The following LRRC53 variants were observed in gnomAD, a reference collection of about 807,000 sequenced individuals.
LRRC53 encodes leucine rich repeat containing 53.
In LRRC53, 25 loss-of-function variants were observed where a neutral mutation model predicts 13.6. The ratio of observed to expected loss-of-function variants is 1.83; its 90% CI spans 1.34 to 2.56. The LOEUF is 2.56. LRRC53 is among the 30% of genes most tolerant of loss of function. The pLI is 0.00. For synonymous variants in LRRC53, 204 were observed against 109.8 expected (o/e 1.86, Z -5.37); for missense variants, 527 against 275.8 (o/e 1.91, Z -6.45).
the LRRC53 span, among the ~76,000 whole-genome samples, chr1:74,523,040 T>C: frequency 1.3e-4 from 20 of 152,154 alleles, no homozygotes; most frequent in African/African-American, 4.3e-4. Context: ...AATACAGCCA[T>C]GTTGTGGAGC....
chr1:74,485,479 C>A (rs992378023), intron 1 of LRRC53, among the ~76,000 whole-genome samples: 1 of 152,128 alleles, frequency 6.6e-6, no homozygotes, highest in South Asian at 2.1e-4. Flanking sequence ...TTCTCTACTG[C>A]GTATTTGTGA....
At chr1:74,532,044 A>G in the LRRC53 span, among the ~76,000 whole-genome samples, 1 of 152,204 alleles carries the variant, frequency 6.6e-6, no homozygotes, top group Non-Finnish European at 1.5e-5. Flanking sequence ...GAAGTCTTTA[A>G]TCACACTGAT....
At chr1:74,509,193 C>T (rs1238126375) in intron 1 of LRRC53, among the ~76,000 whole-genome samples, 2 of 152,296 alleles carry the variant, frequency 1.3e-5, no homozygotes, top group South Asian at 2.1e-4. Flanking sequence ...TACTTATTTA[C>T]ACTACTTGAT....
Position 74,471,776 on chromosome 1 carries a change from T to C in LRRC53, c.1846A>G (p.Ser616Gly). 2.4e-6 allele frequency: 1 copy of C among 420,760 alleles called. No individual in the cohort carries two copies. The highest frequency in any genetic ancestry group is 4.2e-6 in the Non-Finnish European group (1 of 238,440). 26.1% of individuals were successfully genotyped at this position (420,760 alleles called of 1,614,324 possible). ...INSAIEKFLM[S>G]EDNIDLSGLS... ...CCTGATAAATCTATGTTGTCCTCAC[T>C]CATAAGAAATTTTTCTATTGCACTG... The change falls in exon 5 of 5, where the codon AGT becomes GGT. Residue 616 changes from serine to glycine, a missense_variant. By Grantham distance (56) the Ser-to-Gly change is moderately conservative. Transcript: ENST00000294635.
the LRRC53 span, among the ~76,000 whole-genome samples, chr1:74,535,496 C>G: frequency 2.2e-4 from 34 of 151,976 alleles, no homozygotes; most frequent in Non-Finnish European, 3.5e-4. Flanking sequence ...AAAAGAATCA[C>G]AGAATGTAAG....
intron 1 of LRRC53, among the ~76,000 whole-genome samples, chr1:74,501,460 G>GT (rs113466725): frequency 8.2e-4 from 118 of 144,346 alleles, no homozygotes; most frequent in Non-Finnish European, 1.2e-3. Flanking sequence ...AACTTGGAGG[G>GT]TTTTTTTTGT....
At position 74,472,139 on chromosome 1, in the gene LRRC53, T is replaced by C. The variant is rs1227764568; in HGVS notation, c.1483A>G (p.Ser495Gly). ...TCATTTGTTAAACGCTTCTCAAGACTTTCTCCTGCCAAGGCTGAAGCGGGT... is the reference window on the plus strand; with the variant it reads ...TCATTTGTTAAACGCTTCTCAAGACCTTCTCCTGCCAAGGCTGAAGCGGGT... ...ATPASALAGE[S>G]LEKRLTNESW... The change falls in exon 5 of 5, where the codon AGT becomes GGT. Residue 495 changes from serine to glycine, a missense_variant. Transcript: ENST00000294635. 3 of 717,268 alleles carry C rather than the reference T, an allele frequency of 4.2e-6. No homozygotes were observed. The highest frequency in any genetic ancestry group is 5.2e-6 in the Non-Finnish European group (2 of 384,870). The allele number at this position is 717,268 out of a possible 1,614,324, so 44.4% of individuals were successfully genotyped here.
intron 1 of LRRC53, among the ~76,000 whole-genome samples, chr1:74,508,409 T>G (rs1297268856): frequency 6.6e-6 from 1 of 152,236 alleles, no homozygotes; most frequent in African/African-American, 2.4e-5. Context: ...GGTATTATGA[T>G]TTTTTCAATT....
intron 1 of LRRC53, among the ~76,000 whole-genome samples, chr1:74,493,559 A>G (rs1420963659): frequency 6.6e-6 from 1 of 152,230 alleles, no homozygotes; most frequent in East Asian, 1.9e-4. Context: ...ATATAATGCT[A>G]TAATAATTCC....
chr1:74,498,276 A>G (rs1377904716), intron 1 of LRRC53, among the ~76,000 whole-genome samples: 2 of 152,160 alleles, frequency 1.3e-5, no homozygotes, highest in Non-Finnish European at 2.9e-5. Context: ...TCAAAATATT[A>G]ACCAGCCTTC....
chr1:74,515,671 T>G (rs963972334), upstream of LRRC53, among the ~76,000 whole-genome samples: 1 of 152,130 alleles, frequency 6.6e-6, no homozygotes, highest in Non-Finnish European at 1.5e-5. Flanking sequence ...TGGTTTGAGG[T>G]GGGCAGACAC....
chr1:74,486,480 T>C (rs1429854382), intron 1 of LRRC53, among the ~76,000 whole-genome samples: 3 of 146,734 alleles, frequency 2.0e-5, no homozygotes, highest in African/African-American at 7.8e-5. Context: ...CATCATCACT[T>C]TTTTTGTGTG....
chr1:74,488,883 T>C (rs1668898690), intron 1 of LRRC53, among the ~76,000 whole-genome samples: 1 of 152,200 alleles, frequency 6.6e-6, no homozygotes, highest in South Asian at 2.1e-4. Context: ...ACTATTATTC[T>C]TTCATTTTGA....
At chr1:74,507,223 AC>A (rs36051033) in intron 1 of LRRC53, among the ~76,000 whole-genome samples, 2,154 of 120,376 alleles carry the variant, frequency 0.018, 56 homozygotes, top group African/African-American at 0.04. Context: ...AAATTTCTTC[AC>A]CCCCCCCCCA....
chr1:74,473,169 C>T (rs1427356821), intron 4 of LRRC53, among the ~76,000 whole-genome samples: 1 of 152,088 alleles, frequency 6.6e-6, no homozygotes, highest in Non-Finnish European at 1.5e-5. Flanking sequence ...TCATAATGTA[C>T]GTTCATCATC....
At chr1:74,505,697 C>A (rs954082750) in intron 1 of LRRC53, among the ~76,000 whole-genome samples, 33 of 152,150 alleles carry the variant, frequency 2.2e-4, no homozygotes, top group Admixed American at 1.6e-3. Context: ...AACCAGTTGT[C>A]ATTTCTCATT....
chr1:74,501,973 T>A (rs1669657596), intron 1 of LRRC53, among the ~76,000 whole-genome samples: 1 of 152,200 alleles, frequency 6.6e-6, no homozygotes, highest in South Asian at 2.1e-4. Flanking sequence ...GAGTGAATTT[T>A]ATTTTTTCTG....
chr1:74,487,209 C>CA (rs902668217), intron 1 of LRRC53, among the ~76,000 whole-genome samples: 10 of 148,376 alleles, frequency 6.7e-5, no homozygotes, highest in Non-Finnish European at 1.2e-4. Context: ...ATGAACGATG[C>CA]AAAAAAAAAT....
At position 74,480,279 on chromosome 1, in the gene LRRC53, T is replaced by C. The variant is rs112024313; in HGVS notation, c.778A>G (p.Ser260Gly). ...TTGGTCTCAGACAGCCTCAGCACAC[T>C]CTGTGCAGCTGCCACAGCTGCGGTA... ...PSTAAVAAAQ[S>G]VLRLSETNCD... Residue 260 changes from serine (S) to glycine (G), a missense_variant, in exon 3 of 5, where the codon AGT (serine) becomes GGT (glycine). Ser to Gly is a moderately conservative substitution (Grantham distance 56). Coordinates refer to ENST00000294635, the MANE Select transcript of LRRC53 (RefSeq NM_001382280.1). The C allele has an allele frequency of 1.4e-6, 1 of 717,496 alleles. No homozygotes were observed. The highest frequency in any genetic ancestry group is 2.0e-5 in the Admixed American group (1 of 50,024). The allele number at this position is 717,496 out of a possible 1,614,324, so 44.4% of individuals were successfully genotyped here.
Sources: allele counts gnomAD v4.1 joint callset (sites outside exome capture counted in the v4.1 genomes callset), GRCh38; gene constraint gnomAD v4.1.1; transcripts MANE v1.5; gene names NCBI Gene and HGNC (gene_info 2026-07-23, HGNC 2026-07-21).